PALS1: variants seen among roughly 807,000 people sequenced by gnomAD.
PALS1 encodes the protein protein PALS1.
In PALS1, 31 loss-of-function variants were observed where a neutral mutation model predicts 78.9. That is an observed-to-expected ratio of 0.39 (90% confidence interval 0.30 to 0.53). The LOEUF (loss-of-function observed/expected upper bound fraction) is 0.53. PALS1 is among the 20% of genes least tolerant of loss of function. PALS1 has a pLI of 0.67. For synonymous variants in PALS1, 276 were observed against 270.9 expected (o/e 1.02, Z -0.18); for missense variants, 704 against 826.5 (o/e 0.85, Z 1.82).
In PALS1 at chr14:67,332,799, T is replaced by C. The variant is rs150974007; in HGVS notation, c.1871T>C (p.Ile624Thr). The change falls in exon 15 of 15, where the codon ATC becomes ACC. Residue 624 changes from isoleucine (I) to threonine (T), a missense_variant. By Grantham distance (89) the Ile-to-Thr change is moderately conservative. Transcript: ENST00000261681. ...KNPKPEELRE[I>T]IEKTREMEQN... ...TTGCAGCCTGAAGAGTTGAGAGAAA[T>C]CATTGAGAAGACAAGAGAGATGGAG... is the stretch of plus-strand genomic sequence containing the variant. The C allele has an allele frequency of 3.4e-5, 55 of 1,611,226 alleles. No homozygotes were observed. The highest frequency in any genetic ancestry group is 4.4e-5 in the Non-Finnish European group (52 of 1,178,076).
chr14:67,258,062 T>C (rs1595565115), intron 1 of PALS1, among the ~76,000 whole-genome samples: 1 of 151,908 alleles, frequency 6.6e-6, no homozygotes, highest in East Asian at 1.9e-4. Flanking sequence ...TAGGTGTGGT[T>C]TTTCTCTTCC....
At chr14:67,308,546 C>CA (rs1555338691) in intron 8 of PALS1, among the ~76,000 whole-genome samples, 6 of 131,836 alleles carry the variant, frequency 4.6e-5, no homozygotes, top group South Asian at 2.4e-4. Flanking sequence ...TTTTCTTTTT[C>CA]TTTTTTTTTT....
At chr14:67,255,208 C>T (rs1322235807) in intron 1 of PALS1, among the ~76,000 whole-genome samples, 1 of 151,592 alleles carries the variant, frequency 6.6e-6, no homozygotes, top group Non-Finnish European at 1.5e-5. Flanking sequence ...ACACTTCAGA[C>T]ACGTTTTTCA....
rs1196260980 is a variant in PALS1 at position 67,333,148 on chromosome 14, T to G, written c.*192T>G. The G allele has an allele frequency of 1.8e-5, 9 of 493,174 alleles. No individual in the cohort carries two copies. The highest frequency in any genetic ancestry group is 3.2e-5 in the Non-Finnish European group (9 of 279,684). 30.5% of individuals were successfully genotyped at this position (493,174 alleles called of 1,614,324 possible). On this transcript the variant is annotated 3_prime_UTR_variant, in exon 15 of 15. Transcript: ENST00000261681. The stretch of plus-strand genomic sequence containing the variant: ...AGTTTGTGCATGGCATCCTTTATTC[T>G]CTATACATGGCTTTAGCGGTTCTTG...
chr14:67,274,850 T>C (rs1320521325), intron 2 of PALS1, among the ~76,000 whole-genome samples: 2 of 152,180 alleles, frequency 1.3e-5, no homozygotes, highest in Admixed American at 6.5e-5. Context: ...CCCTTGTAAG[T>C]TGGATTCCTA....
At chr14:67,300,041 G>C (rs982146746) in intron 4 of PALS1, among the ~76,000 whole-genome samples, 1 of 152,056 alleles carries the variant, frequency 6.6e-6, no homozygotes, top group Non-Finnish European at 1.5e-5. Flanking sequence ...GGGTCTTAAA[G>C]CCTTAAAGCC....
chr14:67,328,775 A>T lies in PALS1; in HGVS notation c.1852-4005A>T, dbSNP rs191953878. Reference sequence around the variant, plus strand: ...CTTCTTTTTGTCAGGTTTGTCAAAGATCAGATGGTTGTAGATGTGTGGTAT... The same window carrying T: ...CTTCTTTTTGTCAGGTTTGTCAAAGTTCAGATGGTTGTAGATGTGTGGTAT... On this transcript the variant is annotated intron_variant, in intron 14 of 14. Coordinates refer to ENST00000261681, the MANE Select transcript of PALS1 (RefSeq NM_022474.4). 2.2e-3 allele frequency among the ~76,000 whole-genome samples: 328 copies of T among 152,296 alleles called. 3 individuals are homozygous for T. Among genetic ancestry groups the T allele is most frequent in the Middle Eastern group, 0.02 (6 of 294 alleles).
intron 14 of PALS1, among the ~76,000 whole-genome samples, chr14:67,328,263 G>A (rs1403687671): frequency 6.6e-6 from 1 of 152,152 alleles, no homozygotes; most frequent in Non-Finnish European, 1.5e-5. Context: ...TGTGTCTGTT[G>A]GCTGCATGAA....
At position 67,332,809 on chromosome 14, in the gene PALS1, G is replaced by T; in HGVS notation, c.1881G>T (p.Lys627Asn). The T allele has an allele frequency of 6.2e-7, 1 of 1,613,304 alleles. No homozygotes were observed. The highest frequency in any genetic ancestry group is 2.2e-5 in the East Asian group (1 of 44,850). The change falls in exon 15 of 15, where the codon AAG becomes AAT. Residue 627 changes from lysine (K) to asparagine (N), a missense_variant. Physicochemically the swap from Lys to Asn is moderately conservative, Grantham distance 94 (BLOSUM62 0). Transcript: ENST00000261681. ...KPEELREIIE[K>N]TREMEQNNGH... Reference sequence around the variant, plus strand: ...AAGAGTTGAGAGAAATCATTGAGAAGACAAGAGAGATGGAGCAGAACAATG... The same window carrying T: ...AAGAGTTGAGAGAAATCATTGAGAATACAAGAGAGATGGAGCAGAACAATG...
intron 2 of PALS1, among the ~76,000 whole-genome samples, chr14:67,275,558 CA>C (rs1348013800): frequency 6.6e-6 from 1 of 152,170 alleles, no homozygotes; most frequent in African/African-American, 2.4e-5. Flanking sequence ...CGACATTCAT[CA>C]GGGCTTTTGG....
At chr14:67,297,800 A>G (rs571291856) in intron 4 of PALS1, among the ~76,000 whole-genome samples, 51 of 152,238 alleles carry the variant, frequency 3.4e-4, no homozygotes, top group East Asian at 1.3e-3. Flanking sequence ...TTTCAGTGCT[A>G]TTTGTCAGAC....
chr14:67,317,288 T>C (rs1475129), intron 10 of PALS1, 120 bp from the exon 11 acceptor site: 75,095 of 830,376 alleles, frequency 0.09, 9,381 homozygotes, highest in East Asian at 0.41. Context: ...CATATGGAGA[T>C]CTCGTTTCTG....
chr14:67,257,120 A>T (rs771486630), intron 1 of PALS1, among the ~76,000 whole-genome samples: 2 of 152,156 alleles, frequency 1.3e-5, no homozygotes, highest in Non-Finnish European at 2.9e-5. Flanking sequence ...GATAAGAGTT[A>T]GCGGGGATCA....
intron 1 of PALS1, among the ~76,000 whole-genome samples, chr14:67,266,111 A>C (rs930472550): frequency 6.6e-6 from 1 of 151,782 alleles, no homozygotes; most frequent in African/African-American, 2.4e-5. Context: ...CTGGTGTAAA[A>C]ACTTCTTTTA....
chr14:67,281,550 T>C (rs1238642555), intron 3 of PALS1, among the ~76,000 whole-genome samples: 1 of 152,136 alleles, frequency 6.6e-6, no homozygotes, highest in African/African-American at 2.4e-5. Context: ...AATATTTTAT[T>C]GGAGAAAGTT....
At chr14:67,242,196 A>G (rs906285349) in intron 1 of PALS1, among the ~76,000 whole-genome samples, 1 of 152,228 alleles carries the variant, frequency 6.6e-6, no homozygotes, top group Non-Finnish European at 1.5e-5. Flanking sequence ...TAATGATCAT[A>G]ACTCACCTTC....
intron 9 of PALS1, among the ~76,000 whole-genome samples, chr14:67,313,168 G>T (rs1400211066): frequency 6.6e-6 from 1 of 152,090 alleles, no homozygotes; most frequent in Non-Finnish European, 1.5e-5. Flanking sequence ...TTTTATTGAT[G>T]AAACTATCCC....
intron 7 of PALS1, 73 bp from the exon 8 acceptor site, chr14:67,303,449 A>C: frequency 8.4e-7 from 1 of 1,196,548 alleles, no homozygotes; most frequent in Non-Finnish European, 1.2e-6. Flanking sequence ...AGTTTAGGGA[A>C]TATAGATCAT....
At position 67,335,501 on chromosome 14, in the gene PALS1, G is replaced by A. The variant is rs1257237638; in HGVS notation, c.*2545G>A. 1.3e-5 allele frequency: 2 copies of A among 152,546 alleles called. No individual in the cohort carries two copies. Among genetic ancestry groups the A allele is most frequent in the African/African-American group, 2.4e-5 (1 of 41,418 alleles). The allele number at this position is 152,546 out of a possible 1,614,324, so 9.4% of individuals were successfully genotyped here. A position where few individuals can be genotyped will look rare whatever the true frequency, so the allele number is the denominator to read the frequency against. On this transcript the variant is annotated 3_prime_UTR_variant, in exon 15 of 15. Transcript: ENST00000261681. ...GCATAACTTTGTTTCTCAAATTTTC[G>A]TTGTCAGAACAAATGGAAGGAGAAT...
Sources: allele counts gnomAD v4.1 joint callset (sites outside exome capture counted in the v4.1 genomes callset), GRCh38; gene constraint gnomAD v4.1.1; transcripts MANE v1.5; gene names NCBI Gene and HGNC (gene_info 2026-07-23, HGNC 2026-07-21).